Variants in OR2L13 observed in about 807,000 individuals in gnomAD.
OR2L13 encodes the protein olfactory receptor family 2 subfamily L member 13.
Under a neutral mutation model 15.3 loss-of-function variants are expected in OR2L13, and 14 were observed. The observed-to-expected ratio is 0.91, with a 90% CI of 0.60 to 1.43. OR2L13 has a LOEUF of 1.43. OR2L13 is among the 40% of genes most tolerant of loss of function. OR2L13 has a pLI of 0.00. For synonymous variants in OR2L13, 152 were observed against 142.9 expected, an observed-to-expected ratio of 1.06 and a Z score of -0.45; for missense variants, 367 against 387.9, an observed-to-expected ratio of 0.95 and a Z score of 0.45.
At chr1:248,076,898 A>G in the OR2L13 span, among the ~76,000 whole-genome samples, 2 of 152,192 alleles carry the variant, frequency 1.3e-5, no homozygotes, top group Non-Finnish European at 2.9e-5. Context: ...GAGTGGTGAG[A>G]GAGGGCATCC....
At chr1:248,099,790 A>G (rs745471287) in exon 3 of OR2L13, 1 of 1,613,944 alleles carries the variant, frequency 6.2e-7, no homozygotes, top group Non-Finnish European at 8.5e-7. Flanking sequence ...GAGTAAAATG[A>G]TGTGTGTGAA....
chr1:248,068,422 C>G, the OR2L13 span, among the ~76,000 whole-genome samples: 3 of 152,166 alleles, frequency 2.0e-5, 1 homozygote, highest in Non-Finnish European at 4.4e-5. Context: ...CTGCAACAGA[C>G]CTGCAGCTGA....
At chr1:248,041,083 G>A in the OR2L13 span, 7 of 152,260 alleles carry the variant, frequency 4.6e-5, no homozygotes, top group Non-Finnish European at 1.0e-4. Flanking sequence ...AGAAAAGGTA[G>A]TAGTTGCCTG....
At chr1:248,050,726 T>A in the OR2L13 span, among the ~76,000 whole-genome samples, 1 of 152,304 alleles carries the variant, frequency 6.6e-6, no homozygotes, top group Non-Finnish European at 1.5e-5. Flanking sequence ...GTGTTAACAA[T>A]TTCAAATATT....
the OR2L13 span, among the ~76,000 whole-genome samples, chr1:248,012,026 T>C: frequency 4.8e-3 from 729 of 152,312 alleles, 7 homozygotes; most frequent in African/African-American, 0.017. Context: ...GGACTGAAAG[T>C]AGACATTTAA....
chr1:247,957,449 T>C, the OR2L13 span, among the ~76,000 whole-genome samples: 1 of 152,196 alleles, frequency 6.6e-6, no homozygotes, highest in Admixed American at 6.5e-5. Context: ...AGGATGATGC[T>C]GGCTTCATAA....
At chr1:248,075,609 A>G in the OR2L13 span, among the ~76,000 whole-genome samples, 1 of 152,110 alleles carries the variant, frequency 6.6e-6, no homozygotes, top group African/African-American at 2.4e-5. Context: ...ACCAGTGATG[A>G]TGAGCATTTT....
chr1:247,974,751 T>C, the OR2L13 span: 1 of 233,630 alleles, frequency 4.3e-6, no homozygotes. Flanking sequence ...CATGGAAAAA[T>C]ACAATCAAAC....
chr1:248,082,232 T>G, the OR2L13 span, among the ~76,000 whole-genome samples: 1 of 146,074 alleles, frequency 6.8e-6, no homozygotes, highest in Non-Finnish European at 1.5e-5. Flanking sequence ...CTCAGTAAAC[T>G]ATTGCAAGAA....
At chr1:247,974,933 G>A in the OR2L13 span, 7 of 280,602 alleles carry the variant, frequency 2.5e-5, no homozygotes, top group Admixed American at 2.6e-4. Context: ...TACTTAGTCG[G>A]CTCTACCTCA....
the OR2L13 span, among the ~76,000 whole-genome samples, chr1:248,025,824 T>C: frequency 6.6e-6 from 1 of 151,910 alleles, no homozygotes; most frequent in Non-Finnish European, 1.5e-5. Context: ...TTGGAAATCA[T>C]TATTCTCAGT....
At chr1:248,087,981 A>C in the OR2L13 span, among the ~76,000 whole-genome samples, 1 of 152,186 alleles carries the variant, frequency 6.6e-6, no homozygotes, top group Admixed American at 6.5e-5. Flanking sequence ...TTTATTCAAC[A>C]TTTCTACATG....
the OR2L13 span, among the ~76,000 whole-genome samples, chr1:248,016,464 C>T: frequency 6.6e-6 from 1 of 152,002 alleles, no homozygotes; most frequent in Admixed American, 6.6e-5. Flanking sequence ...AACCAGATAA[C>T]ATGAGGAAAC....
chr1:248,016,405 T>G, the OR2L13 span, among the ~76,000 whole-genome samples: 1 of 152,170 alleles, frequency 6.6e-6, no homozygotes, highest in Admixed American at 6.5e-5. Flanking sequence ...GAAATCTTCT[T>G]TCTTTGAAAA....
At chr1:248,074,638 G>A in the OR2L13 span, among the ~76,000 whole-genome samples, 2 of 152,088 alleles carry the variant, frequency 1.3e-5, no homozygotes, top group African/African-American at 4.8e-5. Flanking sequence ...TGGTACAGAA[G>A]GACACATGCA....
At chr1:248,017,565 T>G in the OR2L13 span, among the ~76,000 whole-genome samples, 161 of 152,354 alleles carry the variant, frequency 1.1e-3, 1 homozygote, top group African/African-American at 3.7e-3. Context: ...CAGGACAGGC[T>G]TCTGCCTTAT....
At chr1:248,063,822 A>G in the OR2L13 span, among the ~76,000 whole-genome samples, 2 of 149,804 alleles carry the variant, frequency 1.3e-5, no homozygotes, top group Admixed American at 6.7e-5. Flanking sequence ...GTGTGTGTGC[A>G]TGCCTGAGAA....
chr1:248,096,255 C>T (rs933351011), upstream of OR2L13, among the ~76,000 whole-genome samples: 34 of 151,844 alleles, frequency 2.2e-4, no homozygotes, highest in Non-Finnish European at 3.1e-4. Context: ...TGGTGGTGGG[C>T]GCCTGTAGTC....
At chr1:248,041,071 T>C in the OR2L13 span, 2 of 152,180 alleles carry the variant, frequency 1.3e-5, no homozygotes, top group African/African-American at 2.4e-5. Flanking sequence ...CATAATAATA[T>C]GAGAAAAGGT....
Sources: allele counts gnomAD v4.1 joint callset (sites outside exome capture counted in the v4.1 genomes callset), GRCh38; gene constraint gnomAD v4.1.1; transcripts MANE v1.5; gene names NCBI Gene and HGNC (gene_info 2026-07-23, HGNC 2026-07-21).